OSBPL9: variants seen among roughly 807,000 people sequenced by gnomAD.
The protein encoded by OSBPL9 is oxysterol binding protein like 9.
OSBPL9 carries 40 observed loss-of-function variants against 106.6 expected under a neutral mutation model. The ratio of observed to expected loss-of-function variants is 0.38; its 90% CI spans 0.29 to 0.49. The LOEUF is 0.49. Among genes scored for constraint, OSBPL9 ranks in the 20% least tolerant of loss-of-function variants. OSBPL9 has a pLI of 0.97. For synonymous variants in OSBPL9, 269 were observed against 295.4 expected (o/e 0.91, Z 0.92); for missense variants, 609 against 887.2 (o/e 0.69, Z 3.98).
the OSBPL9 span, among the ~76,000 whole-genome samples, chr1:51,537,982 T>TA: frequency 6.6e-6 from 1 of 152,130 alleles, no homozygotes; most frequent in African/African-American, 2.4e-5. Flanking sequence ...TCAATGTCTT[T>TA]ATTCATTTGT....
chr1:51,546,218 T>C, the OSBPL9 span, among the ~76,000 whole-genome samples: 6 of 152,108 alleles, frequency 3.9e-5, no homozygotes, highest in Non-Finnish European at 7.4e-5. Flanking sequence ...GGTTTCACCA[T>C]GTTGCCCAGG....
chr1:51,787,598 C>T, intron 23 of OSBPL9, 110 bp downstream of exon 23: 1 of 1,599,732 alleles, frequency 6.3e-7, no homozygotes, highest in Middle Eastern at 1.7e-4. Flanking sequence ...GATCGCTGGT[C>T]CCTACTTGAA....
chr1:51,785,650 A>G, intron 20 of OSBPL9, 158 bp from the exon 21 acceptor site: 1 of 602,980 alleles, frequency 1.7e-6, no homozygotes, highest in Non-Finnish European at 2.9e-6. Flanking sequence ...CCTCATTCTT[A>G]TAGTTAGCCC....
chr1:51,526,389 C>T, the OSBPL9 span, among the ~76,000 whole-genome samples: 1 of 152,060 alleles, frequency 6.6e-6, no homozygotes, highest in Non-Finnish European at 1.5e-5. Context: ...TTAGAAAATA[C>T]CCAGAAGGAC....
intron 15 of OSBPL9, among the ~76,000 whole-genome samples, chr1:51,780,351 G>GCAGT (rs1363842426): frequency 3.3e-5 from 5 of 152,134 alleles, no homozygotes; most frequent in African/African-American, 1.2e-4. Flanking sequence ...ATTTGATTCA[G>GCAGT]CAGTCCCACT....
the OSBPL9 span, among the ~76,000 whole-genome samples, chr1:51,525,136 C>T: frequency 1.3e-5 from 2 of 152,174 alleles, no homozygotes; most frequent in African/African-American, 2.4e-5. Context: ...TCTGAATCAG[C>T]GCAATAACAA....
chr1:51,537,904 G>C, the OSBPL9 span, among the ~76,000 whole-genome samples: 6 of 151,942 alleles, frequency 3.9e-5, no homozygotes, highest in African/African-American at 7.3e-5. Flanking sequence ...AACACCACAG[G>C]GTTCTTTCTC....
intron 1 of OSBPL9, among the ~76,000 whole-genome samples, chr1:51,578,683 G>A (rs967874972): frequency 3.3e-5 from 5 of 152,118 alleles, no homozygotes; most frequent in Non-Finnish European, 5.9e-5. Flanking sequence ...TTCAAGAAAC[G>A]CTTATTGAGC....
the OSBPL9 span, among the ~76,000 whole-genome samples, chr1:51,557,044 G>C: frequency 1.3e-5 from 2 of 151,858 alleles, no homozygotes; most frequent in African/African-American, 4.8e-5. Flanking sequence ...ATTACAAGTT[G>C]CATGCCTGTA....
chr1:51,528,383 A>G, the OSBPL9 span, among the ~76,000 whole-genome samples: 1 of 152,094 alleles, frequency 6.6e-6, no homozygotes, highest in Admixed American at 6.5e-5. Flanking sequence ...GCAATGAATA[A>G]TCTGAAAATG....
chr1:51,787,224 G>A, intron 22 of OSBPL9, 129 bp from the exon 23 acceptor site: 1 of 851,890 alleles, frequency 1.2e-6, no homozygotes, highest in Non-Finnish European at 1.9e-6. Context: ...GTGCCCTGGT[G>A]CCAGCGTAAG....
At chr1:51,528,667 T>C in the OSBPL9 span, among the ~76,000 whole-genome samples, 1 of 151,392 alleles carries the variant, frequency 6.6e-6, no homozygotes, top group Admixed American at 6.6e-5. Context: ...AGGTCAGGAG[T>C]TTGAGACCAG....
chr1:51,717,990 A>G (rs1456967440), intron 4 of OSBPL9, among the ~76,000 whole-genome samples: 1 of 152,172 alleles, frequency 6.6e-6, no homozygotes, highest in African/African-American at 2.4e-5. Flanking sequence ...GATAAAGAAA[A>G]CATGGTATAT....
intron 1 of OSBPL9, among the ~76,000 whole-genome samples, chr1:51,579,296 T>G (rs1218061969): frequency 6.6e-6 from 1 of 152,180 alleles, no homozygotes; most frequent in Non-Finnish European, 1.5e-5. Flanking sequence ...CTTGAGTATT[T>G]GTGTGCATAT....
chr1:51,733,793 A>G (rs1665025866), intron 4 of OSBPL9, among the ~76,000 whole-genome samples: 1 of 151,958 alleles, frequency 6.6e-6, no homozygotes, highest in African/African-American at 2.4e-5. Context: ...ACAAAAAAAA[A>G]AGTGGGCAGA....
At chr1:51,786,484 G>A in intron 21 of OSBPL9, 42 bp from the exon 22 acceptor site, 1 of 1,334,614 alleles carries the variant, frequency 7.5e-7, no homozygotes, top group Non-Finnish European at 1.1e-6. Flanking sequence ...TTAGGTTAGG[G>A]GTTTATGGGT....
intron 3 of OSBPL9, among the ~76,000 whole-genome samples, chr1:51,710,331 A>G (rs993581484): frequency 6.6e-6 from 1 of 152,176 alleles, no homozygotes. Context: ...ATTTGTAATT[A>G]TGTTCTGTGT....
intron 8 of OSBPL9, 145 bp from the exon 9 acceptor site, chr1:51,756,175 A>G (rs1670289228): frequency 3.0e-6 from 2 of 661,680 alleles, no homozygotes; most frequent in East Asian, 2.8e-5. Flanking sequence ...GAATGTACAC[A>G]TGGAATTAAA....
At chr1:51,696,819 T>C (rs1339985199) in intron 3 of OSBPL9, among the ~76,000 whole-genome samples, 1 of 152,190 alleles carries the variant, frequency 6.6e-6, no homozygotes, top group African/African-American at 2.4e-5. Flanking sequence ...TTTTATTTTT[T>C]ATTTTTATCT....
Sources: gnomAD v4.1 joint callset for allele counts (sites outside exome capture counted in the v4.1 genomes callset) on GRCh38, gnomAD v4.1.1 for gene constraint, MANE v1.5 for transcripts, NCBI Gene and HGNC (gene_info 2026-07-23, HGNC 2026-07-21) for gene names.